Variants in CLMN observed in about 807,000 individuals in gnomAD.
The protein encoded by CLMN is calmin (calponin-like, transmembrane).
Under a neutral mutation model 92.7 loss-of-function variants are expected in CLMN, and 57 were observed. That is an observed-to-expected ratio of 0.61 (90% CI 0.50 to 0.77). CLMN has a LOEUF of 0.77. Among genes scored for constraint, CLMN ranks in the 30% least tolerant of loss-of-function variants. CLMN has a pLI of 0.00. For synonymous variants in CLMN, 466 were observed against 470.6 expected (o/e 0.99, Z 0.13); for missense variants, 1,158 against 1,237.5 (o/e 0.94, Z 0.96).
intron 1 of CLMN, among the ~76,000 whole-genome samples, chr14:95,243,798 T>G (rs991800421): frequency 6.6e-6 from 1 of 151,640 alleles, no homozygotes. Flanking sequence ...GTTTTCTGAC[T>G]GGAGAGGCCT....
chr14:95,245,225 T>TTATATATATATATTA (rs1898469930), intron 1 of CLMN, among the ~76,000 whole-genome samples: 22 of 24,348 alleles, frequency 9.0e-4, no homozygotes, highest in Non-Finnish European at 1.3e-3. Context: ...TATATATATA[T>TTATATATATATATTA]TATATATATA....
chr14:95,272,781 TA>T (rs1237876508), intron 1 of CLMN, among the ~76,000 whole-genome samples: 1 of 152,182 alleles, frequency 6.6e-6, no homozygotes, highest in Non-Finnish European at 1.5e-5. Context: ...AGCTGATTAA[TA>T]AAATAATTGT....
intron 2 of CLMN, among the ~76,000 whole-genome samples, chr14:95,225,759 A>C (rs1327896311): frequency 6.6e-6 from 1 of 152,188 alleles, no homozygotes; most frequent in Admixed American, 6.5e-5. Context: ...GCAATTCCCT[A>C]AACAGGATCT....
chr14:95,269,742 A>G (rs1228892670), intron 1 of CLMN, among the ~76,000 whole-genome samples: 1 of 152,160 alleles, frequency 6.6e-6, no homozygotes, highest in Non-Finnish European at 1.5e-5. Flanking sequence ...GCATGGAGAT[A>G]CTGCTGGGAG....
intron 1 of CLMN, among the ~76,000 whole-genome samples, chr14:95,310,185 C>T (rs1360539656): frequency 2.0e-5 from 3 of 152,206 alleles, no homozygotes; most frequent in Non-Finnish European, 4.4e-5. Context: ...CACCACACTT[C>T]CTGAACAGCC....
intron 1 of CLMN, among the ~76,000 whole-genome samples, chr14:95,304,255 G>T (rs755561266): frequency 6.6e-6 from 1 of 152,076 alleles, no homozygotes; most frequent in Non-Finnish European, 1.5e-5. Flanking sequence ...AGGTTTGATT[G>T]AGCCTAGGAG....
intron 1 of CLMN, among the ~76,000 whole-genome samples, chr14:95,272,763 C>G (rs1208033747): frequency 1.3e-5 from 2 of 152,156 alleles, no homozygotes; most frequent in Admixed American, 1.3e-4. Flanking sequence ...GAAGAAAGAC[C>G]AAACTCAAGC....
At chr14:95,263,636 T>C (rs1170428036) in intron 1 of CLMN, among the ~76,000 whole-genome samples, 2 of 152,210 alleles carry the variant, frequency 1.3e-5, no homozygotes, top group African/African-American at 2.4e-5. Context: ...AATTCACAGG[T>C]AGCATAACTG....
intron 1 of CLMN, among the ~76,000 whole-genome samples, chr14:95,272,062 T>C (rs1002598113): frequency 4.6e-5 from 7 of 152,228 alleles, no homozygotes; most frequent in African/African-American, 7.2e-5. Flanking sequence ...TGGGCATGCA[T>C]CTTGTCCCAG....
At chr14:95,236,467 G>A (rs113191070) in intron 1 of CLMN, among the ~76,000 whole-genome samples, 10 of 152,200 alleles carry the variant, frequency 6.6e-5, no homozygotes, top group Admixed American at 5.9e-4. Context: ...GGGACATCCC[G>A]CAATGCCTGG....
intron 1 of CLMN, among the ~76,000 whole-genome samples, chr14:95,247,643 C>T (rs1333120536): frequency 6.6e-6 from 1 of 152,158 alleles, no homozygotes; most frequent in African/African-American, 2.4e-5. Context: ...ATAAGGATGT[C>T]TCCTCCCTTA....
At chr14:95,246,237 C>T (rs1305067804) in intron 1 of CLMN, among the ~76,000 whole-genome samples, 1 of 152,166 alleles carries the variant, frequency 6.6e-6, no homozygotes, top group Non-Finnish European at 1.5e-5. Context: ...CCCTAATTAC[C>T]TCAGGGCCAG....
intron 1 of CLMN, among the ~76,000 whole-genome samples, chr14:95,304,783 AC>A (rs779878126): frequency 6.6e-6 from 1 of 151,006 alleles, no homozygotes; most frequent in Admixed American, 6.6e-5. Context: ...CAGCTCCGAA[AC>A]CCCCCACTCC....
At chr14:95,217,594 T>C (rs892721650) in intron 4 of CLMN, among the ~76,000 whole-genome samples, 4 of 152,328 alleles carry the variant, frequency 2.6e-5, no homozygotes, top group South Asian at 2.1e-4. Context: ...GCATGATGGA[T>C]CACCCACGAG....
chr14:95,237,065 G>A (rs1472442697), intron 1 of CLMN, among the ~76,000 whole-genome samples: 4 of 152,226 alleles, frequency 2.6e-5, no homozygotes, highest in Admixed American at 6.5e-5. Context: ...AGATGCAGCC[G>A]TGGCTATGAT....
chr14:95,233,352 T>G (rs570373411), intron 1 of CLMN, among the ~76,000 whole-genome samples: 1 of 151,438 alleles, frequency 6.6e-6, no homozygotes, highest in Non-Finnish European at 1.5e-5. Context: ...TCCATCCACC[T>G]ACCCATCCAT....
chr14:95,292,428 T>TCCCCCCCCCCCCCCC (rs1263766978), intron 1 of CLMN, among the ~76,000 whole-genome samples: 207 of 74,074 alleles, frequency 2.8e-3, no homozygotes, highest in Admixed American at 7.4e-3. Flanking sequence ...CCCCCAAGGG[T>TCCCCCCCCCCCCCCC]CCCCCACCCC....
chr14:95,270,407 A>C (rs1385508384), intron 1 of CLMN, among the ~76,000 whole-genome samples: 1 of 152,142 alleles, frequency 6.6e-6, no homozygotes, highest in African/African-American at 2.4e-5. Flanking sequence ...ACTCACCAAA[A>C]ATACATTCGA....
At chr14:95,217,140 G>C (rs561745917) in intron 4 of CLMN, among the ~76,000 whole-genome samples, 1 of 152,252 alleles carries the variant, frequency 6.6e-6, no homozygotes, top group African/African-American at 2.4e-5. Flanking sequence ...TAAAGCAAAA[G>C]TCTAAGTCAT....
Sources: allele counts gnomAD v4.1 joint callset (sites outside exome capture counted in the v4.1 genomes callset), GRCh38; gene constraint gnomAD v4.1.1; transcripts MANE v1.5; gene names NCBI Gene and HGNC (gene_info 2026-07-23, HGNC 2026-07-21).